CDC14B: variants seen among roughly 807,000 people sequenced by gnomAD.
The protein encoded by CDC14B is cell division cycle 14B.
CDC14B carries 22 observed loss-of-function variants against 64.2 expected under a neutral mutation model. The observed-to-expected ratio is 0.34, with a 90% CI of 0.24 to 0.49. CDC14B has a LOEUF of 0.49. Ranked by LOEUF, CDC14B falls within the 20% of genes least tolerant of loss-of-function variation. The pLI, the probability that CDC14B is intolerant of heterozygous loss-of-function variation, is 0.99. For missense variants in CDC14B, 498 were observed against 629.9 expected (o/e 0.79, Z 2.24); for synonymous variants, 191 against 215.8 (o/e 0.89, Z 1.01).
intron 4 of CDC14B, among the ~76,000 whole-genome samples, chr9:96,558,063 C>G (rs181580430): frequency 8.3e-4 from 127 of 152,266 alleles, no homozygotes; most frequent in African/African-American, 2.9e-3. Flanking sequence ...AAGACAAATA[C>G]CATTATGTTC....
intron 7 of CDC14B, among the ~76,000 whole-genome samples, chr9:96,537,110 C>T (rs1323269168): frequency 3.3e-5 from 5 of 151,630 alleles, no homozygotes; most frequent in East Asian, 1.9e-4. Flanking sequence ...GGAAACATGG[C>T]GAAATCCCAT....
At chr9:96,504,816 G>A (rs987477785) in intron 13 of CDC14B, among the ~76,000 whole-genome samples, 2 of 152,152 alleles carry the variant, frequency 1.3e-5, no homozygotes, top group African/African-American at 4.8e-5. Flanking sequence ...CACTGAAGAA[G>A]TTAGAGGTCC....
intron 1 of CDC14B, among the ~76,000 whole-genome samples, chr9:96,591,405 G>T (rs181929356): frequency 1.6e-4 from 24 of 152,238 alleles, no homozygotes; most frequent in Non-Finnish European, 2.9e-5. Context: ...ATACATAAGG[G>T]TTTATTTCTG....
intron 1 of CDC14B, among the ~76,000 whole-genome samples, chr9:96,596,269 G>A (rs888010390): frequency 2.6e-5 from 4 of 151,528 alleles, no homozygotes; most frequent in African/African-American, 9.7e-5. Flanking sequence ...GGCTGAGACA[G>A]GAGAATTGCT....
chr9:96,509,900 G>T, intron 12 of CDC14B, 111 bp from the exon 13 acceptor site: 1 of 656,490 alleles, frequency 1.5e-6, no homozygotes. Flanking sequence ...GAATTGAGAG[G>T]ATTTTCCATC....
In CDC14B at chr9:96,552,957, C is replaced by A. The variant is rs530191116; in HGVS notation, c.421-1085G>T. On this transcript the variant is annotated intron_variant, in intron 4 of 13. Transcript: ENST00000375241. ...AGAAATCACTAAAAAAAGTTAATTG[C>A]AAACTTTTTATCTCCATTACTTAAC... 2.6e-5 allele frequency among the ~76,000 whole-genome samples: 4 copies of A among 152,210 alleles called. No homozygotes were observed. The South Asian group carries it at 8.3e-4, about 32-fold the overall frequency.
intron 5 of CDC14B, among the ~76,000 whole-genome samples, chr9:96,547,993 T>C (rs1397520762): frequency 6.6e-6 from 1 of 152,002 alleles, no homozygotes; most frequent in African/African-American, 2.4e-5. Flanking sequence ...GCCTGGCTAA[T>C]TTTTTGTATT....
At chr9:96,583,499 C>T (rs1281297292) in intron 1 of CDC14B, among the ~76,000 whole-genome samples, 2 of 150,610 alleles carry the variant, frequency 1.3e-5, no homozygotes, top group Admixed American at 6.6e-5. Context: ...CGGGTTCAAG[C>T]GATTCTCCTG....
At chr9:96,589,123 C>G (rs1208834845) in intron 1 of CDC14B, among the ~76,000 whole-genome samples, 1 of 152,036 alleles carries the variant, frequency 6.6e-6, no homozygotes, top group Non-Finnish European at 1.5e-5. Flanking sequence ...ATTGCCTGAG[C>G]TCAGGAGTTC....
rs774905375 is a variant in CDC14B, at chr9:96,509,708, G to C, written c.1425C>G (p.Thr475=). Residue 475 remains threonine (T), a synonymous_variant, in exon 13 of 14, where the codon ACC becomes ACG. Transcript: ENST00000375241. ...ISGSAGITKR[T]TRSASRKSSV... ...TGCTTTTCCTTGAAGCAGATCTGGT[G>C]GTTCTTTTAGTAATGCCTGCACTGC... The C allele has an allele frequency of 6.2e-7, 1 of 1,611,356 alleles. No individual in the cohort carries two copies. The highest frequency in any genetic ancestry group is 1.7e-5 in the Admixed American group (1 of 60,002).
intron 11 of CDC14B, 66 bp downstream of exon 11, chr9:96,523,195 T>C (rs954900458): frequency 4.3e-5 from 65 of 1,527,450 alleles, no homozygotes; most frequent in Non-Finnish European, 4.8e-5. Flanking sequence ...GTTTTCTCCA[T>C]ACCCTGACAG....
intron 13 of CDC14B, among the ~76,000 whole-genome samples, chr9:96,504,558 A>G: frequency 6.6e-6 from 1 of 152,256 alleles, no homozygotes; most frequent in Admixed American, 6.5e-5. Flanking sequence ...CAGACCAGCT[A>G]GTGAGACAAG....
chr9:96,573,744 G>T (rs1374855547), intron 1 of CDC14B, among the ~76,000 whole-genome samples: 1 of 152,092 alleles, frequency 6.6e-6, no homozygotes, highest in South Asian at 2.1e-4. Flanking sequence ...TGAATTAAAT[G>T]TAATAAATTT....
intron 4 of CDC14B, among the ~76,000 whole-genome samples, chr9:96,557,138 G>A (rs753303506): frequency 5.9e-5 from 9 of 152,220 alleles, no homozygotes; most frequent in East Asian, 3.8e-4. Context: ...AGAAGCCCTC[G>A]GGTGGCAAGG....
intron 1 of CDC14B, among the ~76,000 whole-genome samples, chr9:96,602,163 T>C (rs1252817204): frequency 6.6e-6 from 1 of 152,192 alleles, no homozygotes; most frequent in East Asian, 1.9e-4. Context: ...AACCATTTGA[T>C]TACTTCTGGC....
intron 1 of CDC14B, among the ~76,000 whole-genome samples, chr9:96,606,655 C>A (rs1002476582): frequency 6.6e-6 from 1 of 151,720 alleles, no homozygotes; most frequent in South Asian, 2.1e-4. Context: ...CAACCTCTAC[C>A]TCCCGGGTTC....
At chr9:96,608,945 G>C (rs1178701594) in intron 1 of CDC14B, among the ~76,000 whole-genome samples, 2 of 151,252 alleles carry the variant, frequency 1.3e-5, no homozygotes, top group African/African-American at 4.9e-5. Context: ...ACACAAGACA[G>C]ATTTTCACCA....
chr9:96,506,942 C>T (rs751142524), intron 13 of CDC14B, among the ~76,000 whole-genome samples: 1 of 152,224 alleles, frequency 6.6e-6, no homozygotes, highest in South Asian at 2.1e-4. Context: ...ACCTAAAAAG[C>T]ATAATCTAAA....
At chr9:96,563,874 A>G (rs1485108470) in intron 3 of CDC14B, among the ~76,000 whole-genome samples, 1 of 152,116 alleles carries the variant, frequency 6.6e-6, no homozygotes, top group East Asian at 1.9e-4. Flanking sequence ...AAGGAGGGGG[A>G]ACTCAAATGC....
Sources: allele counts gnomAD v4.1 joint callset (sites outside exome capture counted in the v4.1 genomes callset), GRCh38; gene constraint gnomAD v4.1.1; transcripts MANE v1.5; gene names NCBI Gene and HGNC (gene_info 2026-07-23, HGNC 2026-07-21).